CCDC152: variants seen among roughly 807,000 people sequenced by gnomAD.
CCDC152 encodes the protein coiled-coil domain-containing protein 152.
In CCDC152, 37 loss-of-function variants were observed where a neutral mutation model predicts 38.1. That is an observed-to-expected ratio of 0.97 (90% confidence interval 0.75 to 1.28). The LOEUF (loss-of-function observed/expected upper bound fraction) is 1.28, where lower values mean the gene tolerates loss of function less well. Among genes scored for constraint, CCDC152 ranks in the 50% most tolerant of loss-of-function variants. CCDC152 has a pLI of 0.00. For missense variants in CCDC152, 259 were observed against 292.1 expected (o/e 0.89, Z 0.83); for synonymous variants, 83 against 87.1 (o/e 0.95, Z 0.26).
Position 42,799,901 on chromosome 5 carries a change from A to C in CCDC152, c.*120A>C, listed in dbSNP as rs1692770228. ...GAAGTCAGCTTTAAGGTTTTTATTG[A>C]ATTTATTTGGACAAATCCGTACTGT... On this transcript the variant is annotated 3_prime_UTR_variant, in exon 9 of 9. Coordinates refer to ENST00000361970, the MANE Select transcript of CCDC152 (RefSeq NM_001134848.2). The C allele has an allele frequency of 3.5e-6, 4 of 1,127,920 alleles. No individual in the cohort carries two copies. Among genetic ancestry groups the C allele is most frequent in the Admixed American group, 2.6e-5 (1 of 37,758 alleles). 69.9% of individuals were successfully genotyped at this position (1,127,920 alleles called of 1,614,324 possible). A position where few individuals can be genotyped will look rare whatever the true frequency, so the allele number is the denominator to read the frequency against.
rs888775816 is a variant in CCDC152 at position 42,800,540 on chromosome 5, T to C, written c.*759T>C. On this transcript the variant is annotated 3_prime_UTR_variant, in exon 9 of 9. Coordinates refer to ENST00000361970, the MANE Select transcript of CCDC152 (RefSeq NM_001134848.2). Reference sequence around the variant, plus strand: ...TTCAGTTGCTCCATCATAAAAAATATGGTTTGAGTCAATATTTCTATGACA... The same window carrying C: ...TTCAGTTGCTCCATCATAAAAAATACGGTTTGAGTCAATATTTCTATGACA... 3.0e-6 allele frequency: 2 copies of C among 666,842 alleles called. No individual in the cohort carries two copies. The highest frequency in any genetic ancestry group is 3.4e-5 in the Admixed American group (1 of 29,082). The allele number at this position is 666,842 out of a possible 1,614,324, so 41.3% of individuals were successfully genotyped here.
Position 42,799,458 on chromosome 5 carries a change from G to C in CCDC152, c.642G>C (p.Arg214Ser), listed in dbSNP as rs1473005091. Residue 214 changes from arginine to serine, a missense_variant and splice_region_variant, in exon 8 of 9, where the codon AGG becomes AGC. Transcript: ENST00000361970. ...STVLPQSIYR[R>S]KLQHFQEEKN... ...TTTTGCCACAAAGTATCTACAGAAG[G>C]GTATGTGAGTTTTCCTCTCAGTATT... 4 of 1,514,690 alleles carry C rather than the reference G, an allele frequency of 2.6e-6. No homozygotes were observed. The highest frequency in any genetic ancestry group is 3.6e-6 in the Non-Finnish European group (4 of 1,122,686). 93.8% of individuals were successfully genotyped at this position (1,514,690 alleles called of 1,614,324 possible). A position where few individuals can be genotyped will look rare whatever the true frequency, so the allele number is the denominator to read the frequency against.
At position 42,789,858 on chromosome 5, in the gene CCDC152, C is replaced by T. The variant is rs1248322408; in HGVS notation, c.430+6282C>T. ...AATGGGTAATAAGTTACATATAAAA[C>T]CTACATCTGTAAAATTACCAGAAGA... is the stretch of plus-strand genomic sequence containing the variant. On this transcript the variant is annotated intron_variant, in intron 6 of 8. Transcript: ENST00000361970. 3.9e-5 allele frequency among the ~76,000 whole-genome samples: 6 copies of T among 151,964 alleles called. No individual in the cohort carries two copies. The East Asian group carries it at 9.6e-4, about 24-fold the overall frequency.
chr5:42,800,588 A>T lies in CCDC152; in HGVS notation c.*807A>T, dbSNP rs1000650294. Reference sequence around the variant, plus strand: ...ACATAAAATTTAAAATCTGGAAGCCAATTCAGTAGATTTCTCCATGTTTGC... The same window carrying T: ...ACATAAAATTTAAAATCTGGAAGCCTATTCAGTAGATTTCTCCATGTTTGC... On this transcript the variant is annotated 3_prime_UTR_variant, in exon 9 of 9. Coordinates refer to ENST00000361970, the MANE Select transcript of CCDC152 (RefSeq NM_001134848.2). 7 of 1,118,588 alleles carry T rather than the reference A, an allele frequency of 6.3e-6. No individual in the cohort carries two copies. The African/African-American group carries it at 1.1e-4, about 17-fold the overall frequency. The allele number at this position is 1,118,588 out of a possible 1,614,324, so 69.3% of individuals were successfully genotyped here.
At chr5:42,761,921 G>A (rs900994222) in intron 2 of CCDC152, among the ~76,000 whole-genome samples, 1 of 152,174 alleles carries the variant, frequency 6.6e-6, no homozygotes, top group Non-Finnish European at 1.5e-5. Context: ...ATTGGGAAGT[G>A]GGGTTATTTA....
intron 6 of CCDC152, among the ~76,000 whole-genome samples, chr5:42,794,705 C>G (rs1760051295): frequency 6.6e-6 from 1 of 152,112 alleles, no homozygotes. Flanking sequence ...CAAGGGAATT[C>G]TGGAAAACAT....
At chr5:42,779,840 T>G (rs957717437) in intron 5 of CCDC152, among the ~76,000 whole-genome samples, 12 of 152,298 alleles carry the variant, frequency 7.9e-5, no homozygotes, top group Admixed American at 7.8e-4. Context: ...GAGGTTTTAC[T>G]CTAGTAAACT....
chr5:42,787,669 G>A (rs1230705610), intron 6 of CCDC152, among the ~76,000 whole-genome samples: 1 of 151,908 alleles, frequency 6.6e-6, no homozygotes, highest in African/African-American at 2.4e-5. Context: ...TAGTAGTTAG[G>A]TAATTGCTGA....
rs148251329 is a variant in CCDC152 at position 42,770,964 on chromosome 5, A to G, written c.262+1299A>G. On this transcript the variant is annotated intron_variant, in intron 4 of 8. Coordinates refer to ENST00000361970, the MANE Select transcript of CCDC152 (RefSeq NM_001134848.2). The stretch of plus-strand genomic sequence containing the variant: ...ATATAGAAATGTGATCGATTTTTAT[A>G]TGTTGATTTTGTATACTGCAACTTT... Among the ~76,000 whole-genome samples the G allele has an allele frequency of 7.9e-5, 12 of 152,252 alleles. 2 individuals carry two copies. The highest frequency in any genetic ancestry group is 2.9e-4 in the African/African-American group (12 of 41,570).
chr5:42,759,125 G>T lies in CCDC152; in HGVS notation c.4G>T (p.Asp2Tyr). Residue 2 changes from aspartate (D) to tyrosine (Y), a missense_variant, in exon 2 of 9, where the codon GAC becomes TAC. Asp to Tyr is a radical substitution (Grantham distance 160). Coordinates refer to ENST00000361970, the MANE Select transcript of CCDC152 (RefSeq NM_001134848.2). ...CTACTGTTTACTACTTTCAGGCATG[G>T]ACCAAAGCAGTGAAGGATGTATGAA... MDQSSEGCMKKI... is the reference protein window; with the variant it reads MYQSSEGCMKKI... 6.5e-7 allele frequency: 1 copy of T among 1,548,284 alleles called. No homozygotes were observed. The highest frequency in any genetic ancestry group is 1.2e-5 in the South Asian group (1 of 83,648).
intron 2 of CCDC152, among the ~76,000 whole-genome samples, chr5:42,762,138 G>A (rs982228640): frequency 5.3e-5 from 8 of 152,192 alleles, no homozygotes; most frequent in Admixed American, 6.5e-5. Context: ...TTGGAGGCAA[G>A]TGTAACATAA....
intron 4 of CCDC152, among the ~76,000 whole-genome samples, chr5:42,771,037 T>C (rs965790310): frequency 6.6e-6 from 1 of 152,206 alleles, no homozygotes; most frequent in East Asian, 1.9e-4. Flanking sequence ...TATATAGTCA[T>C]GTCATCTGCG....
chr5:42,798,691 A>G (rs1734728668), intron 7 of CCDC152, among the ~76,000 whole-genome samples: 1 of 152,214 alleles, frequency 6.6e-6, no homozygotes, highest in African/African-American at 2.4e-5. Context: ...TCCTCAAACC[A>G]GAGCATAATC....
intron 6 of CCDC152, among the ~76,000 whole-genome samples, chr5:42,783,930 T>G (rs1759882657): frequency 6.6e-6 from 1 of 152,200 alleles, no homozygotes; most frequent in African/African-American, 2.4e-5. Flanking sequence ...TTTTATTCTC[T>G]TTTACAGCTG....
At chr5:42,777,443 C>T (rs925429389) in intron 4 of CCDC152, among the ~76,000 whole-genome samples, 8 of 137,324 alleles carry the variant, frequency 5.8e-5, no homozygotes, top group Admixed American at 3.0e-4. Flanking sequence ...GCCTGGGGGA[C>T]AAGAGCAAGA....
chr5:42,758,984 C>T (rs900903029), intron 1 of CCDC152, 136 bp from the exon 2 acceptor site: 1 of 539,328 alleles, frequency 1.9e-6, no homozygotes, highest in South Asian at 3.7e-5. Flanking sequence ...AACAAAAATT[C>T]TCGCAGTGCA....
chr5:42,799,673 T>G lies in CCDC152; in HGVS notation c.657T>G (p.Phe219Leu). 1 of 1,545,950 alleles carries G rather than the reference T, an allele frequency of 6.5e-7. No individual in the cohort carries two copies. The highest frequency in any genetic ancestry group is 8.7e-7 in the Non-Finnish European group (1 of 1,144,614). ...QSIYRRKLQH[F>L]QEEKNKEIAI... ...GTTTCGTTTAGAAACTTCAGCATTT[T>G]CAAGAAGAAAAAAACAAGGAGATTG... The change falls in exon 9 of 9, where the codon TTT becomes TTG. Residue 219 changes from phenylalanine (F) to leucine (L), a missense_variant. By Grantham distance (22) the Phe-to-Leu change is conservative. Transcript: ENST00000361970.
chr5:42,774,873 A>C (rs1759750905), intron 4 of CCDC152, among the ~76,000 whole-genome samples: 1 of 152,198 alleles, frequency 6.6e-6, no homozygotes, highest in Admixed American at 6.5e-5. Context: ...TAATATGCTA[A>C]AGGCTCTAAA....
intron 2 of CCDC152, 127 bp downstream of exon 2, chr5:42,759,335 A>C: frequency 3.6e-6 from 2 of 559,662 alleles, no homozygotes. Flanking sequence ...ATATTTTGCT[A>C]TGCTCTTCTC....
Sources: allele counts gnomAD v4.1 joint callset (sites outside exome capture counted in the v4.1 genomes callset), GRCh38; gene constraint gnomAD v4.1.1; transcripts MANE v1.5; gene names NCBI Gene and HGNC (gene_info 2026-07-23, HGNC 2026-07-21).